The following SLIT3 variants were observed in gnomAD, a reference collection of about 807,000 sequenced individuals.
SLIT3 encodes the protein slit homolog 3 protein.
A neutral mutation model predicts 184.0 loss-of-function variants in SLIT3; 68 were observed. The observed-to-expected ratio is 0.37, with a 90% CI of 0.30 to 0.45. The LOEUF is 0.45. Among genes scored for constraint, SLIT3 ranks in the 20% least tolerant of loss-of-function variants. The pLI is 1.00. For missense variants in SLIT3, 1,707 were observed against 2,026.0 expected (o/e 0.84, Z 3.02); for synonymous variants, 831 against 828.6 (o/e 1.00, Z -0.05).
At chr5:168,919,646 A>ATTT (rs1562006506) in intron 4 of SLIT3, among the ~76,000 whole-genome samples, 4 of 151,184 alleles carry the variant, frequency 2.6e-5, no homozygotes, top group African/African-American at 9.8e-5. Context: ...AATTTTTTTA[A>ATTT]AAAAAAAACA....
chr5:168,805,262 A>G (rs924029854), intron 9 of SLIT3, among the ~76,000 whole-genome samples: 1 of 152,056 alleles, frequency 6.6e-6, no homozygotes, highest in Non-Finnish European at 1.5e-5. Flanking sequence ...GAAGGAGTCA[A>G]TGGTCATCAA....
At chr5:169,188,193 A>T (rs761683019) in intron 4 of SLIT3, among the ~76,000 whole-genome samples, 1 of 152,180 alleles carries the variant, frequency 6.6e-6, no homozygotes, top group African/African-American at 2.4e-5. Context: ...TCCTGAGCTC[A>T]GGCAATCCGA....
At chr5:169,088,637 A>T (rs1308770588) in intron 4 of SLIT3, among the ~76,000 whole-genome samples, 2 of 152,096 alleles carry the variant, frequency 1.3e-5, no homozygotes, top group East Asian at 3.9e-4. Context: ...CTTTCCGAGA[A>T]TCAGATTGAG....
chr5:168,739,937 TA>T, intron 20 of SLIT3, among the ~76,000 whole-genome samples: 1 of 152,386 alleles, frequency 6.6e-6, no homozygotes, highest in East Asian at 1.9e-4. Context: ...TGGTTTGTCT[TA>T]AAAATGTGCT....
intron 4 of SLIT3, among the ~76,000 whole-genome samples, chr5:168,943,724 A>C (rs976640363): frequency 6.6e-6 from 1 of 152,230 alleles, no homozygotes; most frequent in African/African-American, 2.4e-5. Context: ...GCACATATAC[A>C]CAGTTTATGA....
intron 4 of SLIT3, among the ~76,000 whole-genome samples, chr5:168,982,161 C>T (rs924250210): frequency 1.6e-4 from 25 of 152,244 alleles, no homozygotes; most frequent in African/African-American, 6.0e-4. Flanking sequence ...AATATTTGTG[C>T]TTCTATTCTG....
chr5:169,063,242 C>T lies in SLIT3; in HGVS notation c.413+130237G>A, dbSNP rs17667187. 8.4e-3 allele frequency among the ~76,000 whole-genome samples: 1,275 copies of T among 152,260 alleles called. 12 individuals carry two copies. Among genetic ancestry groups the T allele is most frequent in the East Asian group, 0.04 (208 of 5,178 alleles). On this transcript the variant is annotated intron_variant, in intron 4 of 35. Coordinates refer to ENST00000519560, the MANE Select transcript of SLIT3 (RefSeq NM_003062.4). Reference sequence around the variant, plus strand: ...GGGTCAGTGCATGATTCAGGGCAGACTTTCAGGGTCAGTCCTGAATTCGTC... The same window carrying T: ...GGGTCAGTGCATGATTCAGGGCAGATTTTCAGGGTCAGTCCTGAATTCGTC...
chr5:169,136,734 T>C (rs1761515935), intron 4 of SLIT3, among the ~76,000 whole-genome samples: 3 of 152,166 alleles, frequency 2.0e-5, no homozygotes, highest in African/African-American at 7.2e-5. Flanking sequence ...AGGGTATTCT[T>C]CTGGCTAGGA....
rs554025231 is a variant in SLIT3, at chr5:168,680,138, A to G, written c.3686+3828T>C. On this transcript the variant is annotated intron_variant, in intron 32 of 35. Coordinates refer to ENST00000519560, the MANE Select transcript of SLIT3 (RefSeq NM_003062.4). Reference sequence around the variant, plus strand: ...TCCTTTGGATGGGGCTCCACCCTTTAGGCTACTGTAGCCCCCACCACTCCC... The same window carrying G: ...TCCTTTGGATGGGGCTCCACCCTTTGGGCTACTGTAGCCCCCACCACTCCC... Among the ~76,000 whole-genome samples, 18 of 152,322 alleles carry G rather than the reference A, an allele frequency of 1.2e-4. No individual in the cohort carries two copies. In the East Asian group the frequency reaches 3.3e-3, roughly 28 times the overall value.
chr5:168,772,755 G>A (rs200618561), intron 14 of SLIT3, 26 bp downstream of exon 14: 57 of 1,613,474 alleles, frequency 3.5e-5, no homozygotes, highest in East Asian at 2.0e-4. Flanking sequence ...GTCAGAAAGC[G>A]GGGCCCAGCC....
At chr5:168,820,283 G>C (rs1053791146) in intron 7 of SLIT3, among the ~76,000 whole-genome samples, 5 of 152,124 alleles carry the variant, frequency 3.3e-5, no homozygotes, top group African/African-American at 1.2e-4. Flanking sequence ...TGTTCACCTG[G>C]CACCTGCTCT....
chr5:169,146,501 C>T (rs1270810493), intron 4 of SLIT3, among the ~76,000 whole-genome samples: 1 of 152,180 alleles, frequency 6.6e-6, no homozygotes, highest in Non-Finnish European at 1.5e-5. Flanking sequence ...GCTTGAAGTT[C>T]AAGGCCCTTC....
At chr5:169,137,089 A>G (rs1761530603) in intron 4 of SLIT3, among the ~76,000 whole-genome samples, 1 of 152,070 alleles carries the variant, frequency 6.6e-6, no homozygotes, top group South Asian at 2.1e-4. Context: ...AGCTTCTTAA[A>G]TCTGGACTTC....
chr5:169,221,080 G>A (rs897580761), intron 3 of SLIT3, among the ~76,000 whole-genome samples: 1 of 152,134 alleles, frequency 6.6e-6, no homozygotes, highest in Non-Finnish European at 1.5e-5. Context: ...TAACCCATAG[G>A]GTCCCACTGC....
intron 4 of SLIT3, among the ~76,000 whole-genome samples, chr5:168,902,393 G>C (rs1339786710): frequency 2.0e-5 from 3 of 152,208 alleles, no homozygotes; most frequent in Non-Finnish European, 4.4e-5. Context: ...TTATACTTTT[G>C]TTACGTGCTG....
intron 3 of SLIT3, among the ~76,000 whole-genome samples, chr5:169,230,949 A>T (rs188500994): frequency 4.6e-5 from 7 of 152,332 alleles, no homozygotes; most frequent in Non-Finnish European, 7.3e-5. Context: ...CTTAGATTCA[A>T]CAATTATTTT....
intron 19 of SLIT3, 66 bp downstream of exon 19, chr5:168,749,406 C>T: frequency 1.3e-6 from 2 of 1,567,302 alleles, no homozygotes; most frequent in Non-Finnish European, 1.8e-6. Flanking sequence ...TCTGATTGTG[C>T]ATCTTCGCCA....
At chr5:168,718,677 TAC>T (rs1163238928) in intron 23 of SLIT3, among the ~76,000 whole-genome samples, 9,207 of 108,426 alleles carry the variant, frequency 0.085, 252 homozygotes, top group South Asian at 0.11. Context: ...TATCCACCCA[TAC>T]ACACACACAC....
chr5:169,103,108 C>T (rs889323238), intron 4 of SLIT3, among the ~76,000 whole-genome samples: 1 of 152,196 alleles, frequency 6.6e-6, no homozygotes, highest in African/African-American at 2.4e-5. Context: ...CATTTAAACT[C>T]CACAGGAATC....
Sources: allele counts gnomAD v4.1 joint callset (sites outside exome capture counted in the v4.1 genomes callset), GRCh38; gene constraint gnomAD v4.1.1; transcripts MANE v1.5; gene names NCBI Gene and HGNC (gene_info 2026-07-23, HGNC 2026-07-21).